Variants in DAPK1 observed in about 807,000 individuals in gnomAD.
DAPK1 encodes death associated protein kinase 1, also known as death-associated protein kinase 1.
A neutral mutation model predicts 144.9 loss-of-function variants in DAPK1; 56 were observed. The observed-to-expected ratio is 0.39, with a 90% CI of 0.31 to 0.48. The LOEUF (loss-of-function observed/expected upper bound fraction) is 0.48. DAPK1 is among the 20% of genes least tolerant of loss of function. The pLI, the probability that DAPK1 is intolerant of heterozygous loss-of-function variation, is 0.95. For missense variants in DAPK1, 1,454 were observed against 1,875.4 expected (o/e 0.78, Z 4.15); for synonymous variants, 690 against 749.0 (o/e 0.92, Z 1.29).
At chr9:87,610,694 AGGGATGCACCAGCCGTGGAGACTGTG>A (rs1484091775) in intron 3 of DAPK1, among the ~76,000 whole-genome samples, 5 of 152,228 alleles carry the variant, frequency 3.3e-5, no homozygotes, top group Non-Finnish European at 5.9e-5. Context: ...CCTCAGTGTC[AGGGATGCACCAGCCGTGGAGACTGTG>A]GCCCACTGGA....
chr9:87,579,602 G>A (rs533200327), intron 2 of DAPK1, among the ~76,000 whole-genome samples: 121 of 152,264 alleles, frequency 7.9e-4, no homozygotes, highest in Middle Eastern at 3.4e-3. Context: ...CATCACTTGG[G>A]AGGTAGAAAA....
Position 87,650,015 on chromosome 9 carries a change from A to G in DAPK1, c.1523A>G (p.Asn508Ser), listed in dbSNP as rs1587810284. ...GCCGGCTGTAACGTGAACATCAAGA[A>G]CCGAGAAGGAGAGACGCCCCTCCTG... is the stretch of plus-strand genomic sequence containing the variant. Reference protein sequence around the residue: ...CEAGCNVNIKNREGETPLLTA... With the variant: ...CEAGCNVNIKSREGETPLLTA... Residue 508 changes from asparagine to serine, a missense_variant, in exon 16 of 26, where the codon AAC becomes AGC. Coordinates refer to ENST00000408954, the MANE Select transcript of DAPK1 (RefSeq NM_004938.4). 6.2e-7 allele frequency: 1 copy of G among 1,614,156 alleles called. No individual in the cohort carries two copies. The highest frequency in any genetic ancestry group is 1.7e-5 in the Admixed American group (1 of 60,018).
At chr9:87,660,086 A>G (rs2119228342) in intron 18 of DAPK1, among the ~76,000 whole-genome samples, 1 of 152,288 alleles carries the variant, frequency 6.6e-6, no homozygotes, top group African/African-American at 2.4e-5. Flanking sequence ...CCTCAGCCGG[A>G]CAGAGTCCCG....
At chr9:87,596,230 C>T (rs752289085) in intron 2 of DAPK1, among the ~76,000 whole-genome samples, 7 of 152,164 alleles carry the variant, frequency 4.6e-5, no homozygotes, top group Non-Finnish European at 1.0e-4. Context: ...AGAGTGTTTC[C>T]TCTTCACACG....
chr9:87,663,438 C>T (rs1482386531), intron 18 of DAPK1, among the ~76,000 whole-genome samples: 1 of 152,140 alleles, frequency 6.6e-6, no homozygotes, highest in African/African-American at 2.4e-5. Context: ...TGAGCCCCTC[C>T]CTGATTTGAA....
rs548297311 is a variant in DAPK1, at chr9:87,627,148, G to A, written c.285-10795G>A. Among the ~76,000 whole-genome samples the A allele has an allele frequency of 5.9e-5, 9 of 152,296 alleles. No individual in the cohort carries two copies. In the South Asian group the frequency reaches 1.0e-3, roughly 18 times the overall value. ...AGTTCAGACCCAGCAGGTTGGCCATGGGGAGGCGCCCACATGGAGAGGGGT... is the reference window on the plus strand; with the variant it reads ...AGTTCAGACCCAGCAGGTTGGCCATAGGGAGGCGCCCACATGGAGAGGGGT... On this transcript the variant is annotated intron_variant, in intron 3 of 25. Coordinates refer to ENST00000408954, the MANE Select transcript of DAPK1 (RefSeq NM_004938.4).
intron 11 of DAPK1, among the ~76,000 whole-genome samples, chr9:87,643,769 T>G (rs6560012): frequency 0.048 from 7,226 of 151,970 alleles, 585 homozygotes; most frequent in African/African-American, 0.17. Flanking sequence ...CATACACACA[T>G]GCACAGCAAA....
At chr9:87,664,187 C>T (rs1035203050) in intron 18 of DAPK1, among the ~76,000 whole-genome samples, 2 of 152,264 alleles carry the variant, frequency 1.3e-5, no homozygotes, top group Non-Finnish European at 2.9e-5. Context: ...CAGCCTCTGC[C>T]CAGCCTCCCC....
At chr9:87,651,881 G>A (rs977822738) in intron 17 of DAPK1, among the ~76,000 whole-genome samples, 157 bp downstream of exon 17, 29 of 134,930 alleles carry the variant, frequency 2.1e-4, no homozygotes, top group Non-Finnish European at 4.0e-4. Context: ...ACCTGATCCC[G>A]GGTCCTGATT....
chr9:87,642,772 T>C (rs1830139263), intron 10 of DAPK1, among the ~76,000 whole-genome samples: 1 of 152,192 alleles, frequency 6.6e-6, no homozygotes, highest in Non-Finnish European at 1.5e-5. Flanking sequence ...CAGCACTAGA[T>C]TCCCAAAAGT....
intron 2 of DAPK1, among the ~76,000 whole-genome samples, chr9:87,511,588 C>T (rs1394616283): frequency 1.3e-5 from 2 of 151,828 alleles, no homozygotes; most frequent in Non-Finnish European, 2.9e-5. Flanking sequence ...TTACAGGGAA[C>T]CTGAGACTAT....
chr9:87,668,644 C>T lies in DAPK1; in HGVS notation c.1971C>T (p.His657=), dbSNP rs36216399. 1,307 of 1,457,288 alleles carry T rather than the reference C, an allele frequency of 9.0e-4. 8 individuals are homozygous for T. In the African/African-American group the frequency reaches 0.016, roughly 18 times the overall value. The allele number at this position is 1,457,288 out of a possible 1,614,324, so 90.3% of individuals were successfully genotyped here. ...TTGCTAGATCGGAACAGCACGAGCA[C>T]GTAGCAGGTCTCCTTGCAAGACTTC... ...EDLARSEQHE[H]VAGLLARLRK... is the part of the protein sequence containing the mutation. Residue 657 remains histidine (H), a synonymous_variant, in exon 19 of 26, where the codon CAC becomes CAT. Transcript: ENST00000408954.
chr9:87,692,952 C>CA (rs1825118510), intron 21 of DAPK1, among the ~76,000 whole-genome samples: 1 of 26,406 alleles, frequency 3.8e-5, no homozygotes, highest in African/African-American at 1.0e-4. Context: ...AGTGACTAGA[C>CA]TTTTTTTTTT....
intron 17 of DAPK1, among the ~76,000 whole-genome samples, chr9:87,652,166 C>T (rs376016487): frequency 9.1e-5 from 12 of 131,336 alleles, no homozygotes; most frequent in African/African-American, 2.1e-4. Flanking sequence ...CTGTGTCCTC[C>T]CACCTGATCC....
At chr9:87,518,511 A>G (rs868544523) in intron 2 of DAPK1, among the ~76,000 whole-genome samples, 1 of 151,690 alleles carries the variant, frequency 6.6e-6, no homozygotes, top group African/African-American at 2.4e-5. Flanking sequence ...CGGCCAGTCA[A>G]TCCTGTCAAA....
intron 13 of DAPK1, among the ~76,000 whole-genome samples, 177 bp downstream of exon 13, chr9:87,646,736 A>G (rs1325952325): frequency 6.6e-6 from 1 of 152,254 alleles, no homozygotes; most frequent in Non-Finnish European, 1.5e-5. Flanking sequence ...TAAAGAGGCA[A>G]ACATTTATCA....
At chr9:87,572,563 G>A (rs968731304) in intron 2 of DAPK1, among the ~76,000 whole-genome samples, 1 of 152,108 alleles carries the variant, frequency 6.6e-6, no homozygotes, top group African/African-American at 2.4e-5. Flanking sequence ...TGCTGTCCTG[G>A]TGATAGTGAG....
At chr9:87,553,029 A>G (rs567512540) in intron 2 of DAPK1, among the ~76,000 whole-genome samples, 3 of 152,304 alleles carry the variant, frequency 2.0e-5, no homozygotes, top group East Asian at 3.9e-4. Context: ...CTGTGTATCC[A>G]TTAAATACTA....
intron 2 of DAPK1, among the ~76,000 whole-genome samples, chr9:87,527,302 G>T (rs947777626): frequency 6.6e-6 from 1 of 152,204 alleles, no homozygotes; most frequent in Non-Finnish European, 1.5e-5. Context: ...CTAGGTTGAG[G>T]GGCTTGGAGG....
Sources: gnomAD v4.1 joint callset for allele counts (sites outside exome capture counted in the v4.1 genomes callset) on GRCh38, gnomAD v4.1.1 for gene constraint, MANE v1.5 for transcripts, NCBI Gene and HGNC (gene_info 2026-07-23, HGNC 2026-07-21) for gene names.